YIPF1: variants seen among roughly 807,000 people sequenced by gnomAD.
YIPF1 encodes Yip1 domain family member 1.
In YIPF1, 22 loss-of-function variants were observed where a neutral mutation model predicts 37.0. The ratio of observed to expected loss-of-function variants is 0.59; its 90% CI spans 0.42 to 0.85. The LOEUF is 0.85. YIPF1 is among the 40% of genes least tolerant of loss of function. The pLI, the probability that YIPF1 is intolerant of heterozygous loss-of-function variation, is 0.00. For missense variants in YIPF1, 355 were observed against 373.1 expected (o/e 0.95, Z 0.40); for synonymous variants, 128 against 131.9 (o/e 0.97, Z 0.21).
Position 53,878,369 on chromosome 1 carries a change from T to C in YIPF1, c.310A>G (p.Ile104Val), listed in dbSNP as rs778244667. Reference sequence around the variant, plus strand: ...AACCTCACAAAGTTTTTCCCGGGTATTGGCAAAAGAGATCCTTTAATTCTG... The same window carrying C: ...AACCTCACAAAGTTTTTCCCGGGTACTGGCAAAAGAGATCCTTTAATTCTG... ...FDRIKGSLLP[I>V]PGKNFVRLYI... The change falls in exon 6 of 11, where the codon ATA (isoleucine) becomes GTA (valine). Residue 104 changes from isoleucine (I) to valine (V), a missense_variant. Ile to Val is a conservative substitution (Grantham distance 29). Coordinates refer to ENST00000072644, the MANE Select transcript of YIPF1 (RefSeq NM_018982.5). The C allele has an allele frequency of 1.2e-6, 2 of 1,614,130 alleles. No homozygotes were observed. Among genetic ancestry groups the C allele is most frequent in the South Asian group, 2.2e-5 (2 of 91,086 alleles).
At chr1:53,875,975 A>T (rs566538704) in intron 6 of YIPF1, among the ~76,000 whole-genome samples, 1 of 152,234 alleles carries the variant, frequency 6.6e-6, no homozygotes, top group South Asian at 2.1e-4. Context: ...GTAAATTAAA[A>T]ATTGCCTAAG....
intron 5 of YIPF1, 45 bp from the exon 6 acceptor site, chr1:53,878,447 T>C (rs778940328): frequency 3.3e-5 from 52 of 1,590,676 alleles, no homozygotes; most frequent in Non-Finnish European, 4.1e-5. Context: ...TTTTTAAGTT[T>C]AATAAATTCA....
intron 3 of YIPF1, among the ~76,000 whole-genome samples, chr1:53,883,891 C>G (rs1380177784): frequency 6.6e-6 from 1 of 151,936 alleles, no homozygotes; most frequent in African/African-American, 2.4e-5. Flanking sequence ...CAAAAATTAG[C>G]CGGGTGTAGT....
rs147066094 is a variant in YIPF1 at position 53,885,619 on chromosome 1, G to A, written c.32-2343C>T. Among the ~76,000 whole-genome samples the A allele has an allele frequency of 2.3e-3, 352 of 152,062 alleles. 3 individuals carry two copies. Among genetic ancestry groups the A allele is most frequent in the African/African-American group, 8.2e-3 (339 of 41,384 alleles). ...GCAGATCACTTGAGGTCAGGAGTTC[G>A]AGACCAGGCTGGCCAACATGGTAAA... On this transcript the variant is annotated intron_variant, in intron 3 of 10. Coordinates refer to ENST00000072644, the MANE Select transcript of YIPF1 (RefSeq NM_018982.5).
intron 4 of YIPF1, among the ~76,000 whole-genome samples, chr1:53,880,872 A>G (rs964065869): frequency 5.3e-5 from 8 of 152,218 alleles, no homozygotes; most frequent in African/African-American, 1.9e-4. Flanking sequence ...CAGAAAACTG[A>G]AACTGGACCC....
At chr1:53,861,875 G>A (rs531658310) in intron 9 of YIPF1, among the ~76,000 whole-genome samples, 3 of 152,280 alleles carry the variant, frequency 2.0e-5, no homozygotes, top group South Asian at 2.1e-4. Flanking sequence ...TTAGCCAGGC[G>A]TGGTGGCACA....
intron 6 of YIPF1, among the ~76,000 whole-genome samples, chr1:53,876,948 T>C (rs550064694): frequency 2.6e-5 from 4 of 152,204 alleles, no homozygotes; most frequent in Admixed American, 6.5e-5. Context: ...GGAAATAAAA[T>C]AGCATAAAAT....
rs531848874 is a variant in YIPF1 at position 53,876,032 on chromosome 1, A to T, written c.364+2283T>A. Among the ~76,000 whole-genome samples the T allele has an allele frequency of 9.8e-5, 15 of 152,340 alleles. No homozygotes were observed. In the East Asian group the frequency reaches 2.9e-3, roughly 29 times the overall value. ...ACTGCTGTATCTCCAGTACAATAGC[A>T]AGAGCTCAATGTTTGTTGAATGAAT... On this transcript the variant is annotated intron_variant, in intron 6 of 10. Transcript: ENST00000072644.
At chr1:53,858,150 T>C (rs1456860980) in intron 10 of YIPF1, among the ~76,000 whole-genome samples, 1 of 152,174 alleles carries the variant, frequency 6.6e-6, no homozygotes, top group Non-Finnish European at 1.5e-5. Context: ...CTCCAAGGGC[T>C]CTGATCTTCT....
intron 10 of YIPF1, among the ~76,000 whole-genome samples, chr1:53,859,219 T>G (rs1649801080): frequency 1.3e-5 from 2 of 152,176 alleles, no homozygotes; most frequent in Non-Finnish European, 2.9e-5. Context: ...GGGGAGACAT[T>G]GTAGTATACA....
chr1:53,853,296 A>C (rs983110718), intron 10 of YIPF1, among the ~76,000 whole-genome samples: 1 of 152,198 alleles, frequency 6.6e-6, no homozygotes, highest in South Asian at 2.1e-4. Flanking sequence ...TGTAATAAAG[A>C]ATCTAACCTA....
intron 9 of YIPF1, among the ~76,000 whole-genome samples, chr1:53,864,422 T>C (rs1000197616): frequency 1.3e-5 from 2 of 152,200 alleles, no homozygotes; most frequent in Non-Finnish European, 2.9e-5. Flanking sequence ...ACATGTAAAG[T>C]GCATGTAAAC....
chr1:53,883,090 AT>A, intron 4 of YIPF1, 22 bp downstream of exon 4: 1 of 1,546,078 alleles, frequency 6.5e-7, no homozygotes, highest in Non-Finnish European at 8.7e-7. Flanking sequence ...TGTTTAAAAA[AT>A]ATCTCAAAGA....
chr1:53,877,815 CTTTTTA>C (rs1174940293), intron 6 of YIPF1, among the ~76,000 whole-genome samples: 3 of 152,186 alleles, frequency 2.0e-5, no homozygotes, highest in East Asian at 1.9e-4. Context: ...AAAAATCATT[CTTTTTA>C]TTTTTATTTT....
At chr1:53,885,836 AAAGAG>A (rs1156601525) in intron 3 of YIPF1, among the ~76,000 whole-genome samples, 1 of 151,126 alleles carries the variant, frequency 6.6e-6, no homozygotes, top group African/African-American at 2.4e-5. Flanking sequence ...AAAAAAAAAA[AAAGAG>A]AGAAAAAGAG....
At chr1:53,884,786 C>G (rs1384927314) in intron 3 of YIPF1, among the ~76,000 whole-genome samples, 8 of 152,220 alleles carry the variant, frequency 5.3e-5, no homozygotes. Flanking sequence ...TTTATTTCAG[C>G]TGCTCTTGAA....
At chr1:53,874,265 G>C (rs1186849026) in intron 6 of YIPF1, among the ~76,000 whole-genome samples, 1 of 152,046 alleles carries the variant, frequency 6.6e-6, no homozygotes, top group African/African-American at 2.4e-5. Flanking sequence ...CTCATCCCAG[G>C]ACCTGCCATG....
chr1:53,864,737 G>A (rs1415441011), intron 9 of YIPF1, among the ~76,000 whole-genome samples: 1 of 152,046 alleles, frequency 6.6e-6, no homozygotes, highest in Admixed American at 6.6e-5. Context: ...CTGCAACAGG[G>A]CTTGTTAAGG....
intron 8 of YIPF1, 116 bp from the exon 9 acceptor site, chr1:53,866,498 T>C: frequency 1.7e-6 from 2 of 1,184,022 alleles, no homozygotes; most frequent in Non-Finnish European, 2.4e-6. Flanking sequence ...ATTGCCACTC[T>C]GGTTTTTCAG....
Sources: gnomAD v4.1 joint callset for allele counts (sites outside exome capture counted in the v4.1 genomes callset) on GRCh38, gnomAD v4.1.1 for gene constraint, MANE v1.5 for transcripts, NCBI Gene and HGNC (gene_info 2026-07-23, HGNC 2026-07-21) for gene names.